The following NMBR variants were observed in gnomAD, a reference collection of about 807,000 sequenced individuals.
The protein encoded by NMBR is neuromedin-B receptor.
A neutral mutation model predicts 20.5 loss-of-function variants in NMBR; 16 were observed. That is an observed-to-expected ratio of 0.78 (90% confidence interval 0.53 to 1.19). The LOEUF (loss-of-function observed/expected upper bound fraction) is 1.19, where lower values mean the gene tolerates loss of function less well. NMBR is among the 50% of genes most tolerant of loss of function. The pLI is 0.00. For synonymous variants in NMBR, 212 were observed against 196.6 expected (o/e 1.08, Z -0.65); for missense variants, 582 against 499.1 (o/e 1.17, Z -1.58).
At chr6:142,107,208 T>C (rs1777678538) in intron 1 of NMBR, among the ~76,000 whole-genome samples, 1 of 152,146 alleles carries the variant, frequency 6.6e-6, no homozygotes, top group Admixed American at 6.5e-5. Flanking sequence ...CCAAAGTCTA[T>C]GGCATTTGAG....
At chr6:142,083,879 C>CTGAACAAAAATAAGT (rs1777151913) in intron 2 of NMBR, among the ~76,000 whole-genome samples, 3 of 152,106 alleles carry the variant, frequency 2.0e-5, no homozygotes, top group Admixed American at 2.0e-4. Context: ...TAATACAAAG[C>CTGAACAAAAATAAGT]TGAACAAAAA....
chr6:142,135,595 T>G, intron 1 of NMBR, among the ~76,000 whole-genome samples: 1 of 151,046 alleles, frequency 6.6e-6, no homozygotes, highest in Non-Finnish European at 1.5e-5. Context: ...GCTGCACCCA[T>G]TAACTCGTCA....
At chr6:142,127,124 G>A (rs1468817159) in intron 1 of NMBR, among the ~76,000 whole-genome samples, 2 of 151,726 alleles carry the variant, frequency 1.3e-5, no homozygotes, top group Non-Finnish European at 2.9e-5. Flanking sequence ...ATGTTCTCAG[G>A]TCTTACACTT....
chr6:142,140,351 T>C (rs1041731288), intron 1 of NMBR, among the ~76,000 whole-genome samples: 1 of 151,868 alleles, frequency 6.6e-6, no homozygotes, highest in African/African-American at 2.4e-5. Context: ...TGAAGTATGC[T>C]GTGATAACTT....
chr6:142,144,156 G>A lies in NMBR; in HGVS notation c.-664+2888C>T, dbSNP rs1582868461. 2.0e-5 allele frequency among the ~76,000 whole-genome samples: 3 copies of A among 152,018 alleles called. 1 individual carries two copies. Among genetic ancestry groups the A allele is most frequent in the South Asian group, 4.2e-4 (2 of 4,816 alleles). ...AGGGTCTTCCCTATCATTCTTCTGCGGAAAATTTAAGGAAAAATTATTTCT... is the reference window on the plus strand; with the variant it reads ...AGGGTCTTCCCTATCATTCTTCTGCAGAAAATTTAAGGAAAAATTATTTCT... On this transcript the variant is annotated intron_variant, in intron 1 of 3. Coordinates refer to ENST00000258042, the MANE Select transcript of NMBR (RefSeq NM_002511.4).
At chr6:142,099,436 A>G (rs944784021) in intron 1 of NMBR, among the ~76,000 whole-genome samples, 1 of 152,158 alleles carries the variant, frequency 6.6e-6, no homozygotes, top group Non-Finnish European at 1.5e-5. Flanking sequence ...CCGAAAAGAG[A>G]CAGAGTGTGA....
At chr6:142,078,260 T>C (rs1052080494) in intron 3 of NMBR, among the ~76,000 whole-genome samples, 4 of 152,374 alleles carry the variant, frequency 2.6e-5, no homozygotes, top group African/African-American at 9.6e-5. Flanking sequence ...TATTATGTTG[T>C]TTGTTAAATA....
At chr6:142,128,684 T>G (rs138333613) in intron 1 of NMBR, among the ~76,000 whole-genome samples, 5 of 152,174 alleles carry the variant, frequency 3.3e-5, no homozygotes, top group African/African-American at 1.2e-4. Context: ...TGATTTGCAA[T>G]GTATTAAGCA....
intron 3 of NMBR, among the ~76,000 whole-genome samples, chr6:142,076,320 A>G (rs1401767299): frequency 2.0e-5 from 3 of 152,066 alleles, no homozygotes; most frequent in Admixed American, 2.0e-4. Flanking sequence ...TTATTTATTT[A>G]TTTTCTTTTT....
At chr6:142,134,743 CT>C in intron 1 of NMBR, 1 of 689,306 alleles carries the variant, frequency 1.5e-6, no homozygotes, top group Non-Finnish European at 2.6e-6. Context: ...ATCTCTTTAC[CT>C]GTGTGATGCT....
At chr6:142,082,339 C>G (rs1777116384) in intron 2 of NMBR, among the ~76,000 whole-genome samples, 1 of 152,094 alleles carries the variant, frequency 6.6e-6, no homozygotes, top group Non-Finnish European at 1.5e-5. Context: ...GAAACTATAG[C>G]CTGAGCAACA....
At chr6:142,080,311 C>A (rs897040796) in intron 2 of NMBR, among the ~76,000 whole-genome samples, 5 of 116,178 alleles carry the variant, frequency 4.3e-5, no homozygotes, top group Non-Finnish European at 6.8e-5. Flanking sequence ...TGCCCTATAT[C>A]TTTTTTTTTT....
chr6:142,134,690 T>C (rs573399849), intron 1 of NMBR: 2 of 696,046 alleles, frequency 2.9e-6, no homozygotes, highest in African/African-American at 1.8e-5. Flanking sequence ...CTAGCGGCAA[T>C]AGCATTCTGG....
At chr6:142,138,279 C>T (rs1778298756) in intron 1 of NMBR, among the ~76,000 whole-genome samples, 1 of 152,112 alleles carries the variant, frequency 6.6e-6, no homozygotes, top group South Asian at 2.1e-4. Context: ...TTTATGCAGC[C>T]TGTGTTTGAT....
chr6:142,088,416 G>T lies in NMBR; in HGVS notation c.243C>A (p.Phe81Leu), dbSNP rs746789877. Residue 81 changes from phenylalanine (F) to leucine (L), a missense_variant, in exon 2 of 4, where the codon TTC becomes TTA. Phe to Leu is a conservative substitution (Grantham distance 22). Coordinates refer to ENST00000258042, the MANE Select transcript of NMBR (RefSeq NM_002511.4). ...AGTCCCCGGCCGCCAGGTTAGAGAT[G>T]AAGATGTTGGGGACGCTCCTCATGG... Reference protein sequence around the residue: ...NSAMRSVPNIFISNLAAGDLL... With the variant: ...NSAMRSVPNILISNLAAGDLL... 3.1e-6 allele frequency: 5 copies of T among 1,614,016 alleles called. No homozygotes were observed. In the South Asian group the frequency reaches 5.5e-5, roughly 18 times the overall value.
intron 2 of NMBR, among the ~76,000 whole-genome samples, chr6:142,079,562 C>A (rs1226441106): frequency 1.3e-5 from 2 of 152,026 alleles, no homozygotes; most frequent in Non-Finnish European, 2.9e-5. Context: ...TTATTCAATT[C>A]TTCCTTGATA....
At chr6:142,084,045 A>G (rs1467723710) in intron 2 of NMBR, among the ~76,000 whole-genome samples, 2 of 152,174 alleles carry the variant, frequency 1.3e-5, no homozygotes, top group Non-Finnish European at 2.9e-5. Flanking sequence ...ATCTCCAGTC[A>G]GGGGCAGCTG....
At chr6:142,097,280 C>T (rs565229795) in intron 1 of NMBR, among the ~76,000 whole-genome samples, 4 of 152,090 alleles carry the variant, frequency 2.6e-5, no homozygotes, top group South Asian at 2.1e-4. Flanking sequence ...ATGGTCTTTA[C>T]AATTTTGCAT....
At chr6:142,117,082 G>A (rs943842880) in intron 1 of NMBR, among the ~76,000 whole-genome samples, 2 of 151,708 alleles carry the variant, frequency 1.3e-5, no homozygotes, top group Non-Finnish European at 2.9e-5. Flanking sequence ...CCATTTATTT[G>A]TGTGTACAAT....
Sources: gnomAD v4.1 joint callset for allele counts (sites outside exome capture counted in the v4.1 genomes callset) on GRCh38, gnomAD v4.1.1 for gene constraint, MANE v1.5 for transcripts, NCBI Gene and HGNC (gene_info 2026-07-23, HGNC 2026-07-21) for gene names.